Variants in DAB1 observed in about 807,000 individuals in gnomAD.
DAB1 encodes the protein disabled homolog 1.
DAB1 carries 15 observed loss-of-function variants against 64.6 expected under a neutral mutation model. The observed-to-expected ratio is 0.23, with a 90% CI of 0.16 to 0.36. The LOEUF (loss-of-function observed/expected upper bound fraction) is 0.36. Among genes scored for constraint, DAB1 ranks in the 10% least tolerant of loss-of-function variants. The pLI is 1.00. For synonymous variants in DAB1, 235 were observed against 251.9 expected, an observed-to-expected ratio of 0.93 and a Z score of 0.64; for missense variants, 596 against 706.7, an observed-to-expected ratio of 0.84 and a Z score of 1.78.
intron 7 of DAB1, among the ~76,000 whole-genome samples, chr1:57,515,433 C>T (rs77782502): frequency 3.7e-4 from 57 of 152,342 alleles, no homozygotes; most frequent in African/African-American, 1.3e-3. Context: ...CTCAGAGCAA[C>T]ACATAATATT....
At chr1:57,738,666 T>C (rs1017916686) in intron 6 of DAB1, among the ~76,000 whole-genome samples, 1 of 152,256 alleles carries the variant, frequency 6.6e-6, no homozygotes, top group African/African-American at 2.4e-5. Context: ...TCTTTGATTA[T>C]TTATACTTAA....
At chr1:58,437,856 C>A (rs752895697) in intron 3 of DAB1, among the ~76,000 whole-genome samples, 1 of 152,132 alleles carries the variant, frequency 6.6e-6, no homozygotes, top group Admixed American at 6.5e-5. Context: ...CACATGACCA[C>A]GGCCCAGCCA....
At chr1:58,363,784 G>A (rs1644189728) in intron 3 of DAB1, among the ~76,000 whole-genome samples, 1 of 152,238 alleles carries the variant, frequency 6.6e-6, no homozygotes, top group African/African-American at 2.4e-5. Context: ...CAGACTGTAA[G>A]TTGAGTCTAA....
chr1:58,342,764 C>T (rs951787461), intron 4 of DAB1, among the ~76,000 whole-genome samples: 1 of 152,126 alleles, frequency 6.6e-6, no homozygotes, highest in Non-Finnish European at 1.5e-5. Context: ...ATTGATTTCA[C>T]CTCCTTTTTA....
intron 5 of DAB1, chr1:58,048,794 AT>A: frequency 6.2e-6 from 7 of 1,136,550 alleles, no homozygotes; most frequent in Non-Finnish European, 9.2e-6. Flanking sequence ...ACAGTATAGT[AT>A]TTCTGAATGA....
chr1:58,166,072 T>C (rs1198175615), intron 4 of DAB1, among the ~76,000 whole-genome samples: 3 of 152,190 alleles, frequency 2.0e-5, no homozygotes, highest in Non-Finnish European at 4.4e-5. Flanking sequence ...ATTTTGCCTC[T>C]CTGTACTTAA....
At chr1:57,691,500 T>A (rs1202499242) in intron 6 of DAB1, among the ~76,000 whole-genome samples, 1 of 152,074 alleles carries the variant, frequency 6.6e-6, no homozygotes, top group Non-Finnish European at 1.5e-5. Flanking sequence ...GAAGCTTTAT[T>A]CTTTCGCTCT....
At chr1:58,215,537 T>C (rs925692928) in intron 4 of DAB1, among the ~76,000 whole-genome samples, 1 of 152,196 alleles carries the variant, frequency 6.6e-6, no homozygotes, top group South Asian at 2.1e-4. Context: ...CTTGTACTGA[T>C]ATATTTTCAG....
At chr1:58,286,536 C>T (rs1052594200) in intron 4 of DAB1, among the ~76,000 whole-genome samples, 1 of 152,180 alleles carries the variant, frequency 6.6e-6, no homozygotes, top group African/African-American at 2.4e-5. Flanking sequence ...CAAAAGAAGA[C>T]ATTTATGCAG....
intron 2 of DAB1, among the ~76,000 whole-genome samples, chr1:57,253,313 G>C (rs1247599842): frequency 6.6e-6 from 1 of 152,170 alleles, no homozygotes; most frequent in African/African-American, 2.4e-5. Flanking sequence ...AGGACTCCAG[G>C]TATAGACCTG....
intron 6 of DAB1, among the ~76,000 whole-genome samples, chr1:57,666,640 TC>T (rs1220062514): frequency 1.9e-4 from 29 of 152,162 alleles, no homozygotes; most frequent in African/African-American, 7.0e-4. Flanking sequence ...GATTTAAATC[TC>T]ACTTCTAATC....
chr1:58,077,229 C>T (rs767492194), intron 5 of DAB1, among the ~76,000 whole-genome samples: 3 of 152,200 alleles, frequency 2.0e-5, no homozygotes, highest in Non-Finnish European at 4.4e-5. Context: ...CCAATCCTTA[C>T]TTAAAGAGGA....
intron 7 of DAB1, among the ~76,000 whole-genome samples, chr1:57,473,912 G>A (rs1395027549): frequency 1.3e-5 from 2 of 152,076 alleles, no homozygotes; most frequent in African/African-American, 4.8e-5. Context: ...TGCCCATAGC[G>A]GAGACACAAA....
At chr1:58,388,393 T>C (rs1644450724) in intron 3 of DAB1, among the ~76,000 whole-genome samples, 1 of 152,226 alleles carries the variant, frequency 6.6e-6, no homozygotes, top group Non-Finnish European at 1.5e-5. Flanking sequence ...AAAGCTACTG[T>C]TTCTCTGATA....
chr1:58,083,990 A>G (rs1026713113), intron 5 of DAB1, among the ~76,000 whole-genome samples: 19 of 152,182 alleles, frequency 1.2e-4, no homozygotes, highest in African/African-American at 4.1e-4. Flanking sequence ...CTGTGTTGTT[A>G]TAACAGCAAA....
chr1:57,245,324 C>A (rs1228958468), intron 2 of DAB1, among the ~76,000 whole-genome samples: 1 of 152,070 alleles, frequency 6.6e-6, no homozygotes, highest in Non-Finnish European at 1.5e-5. Context: ...GGTACATGTG[C>A]ACATTGTGCA....
chr1:57,456,320 T>C lies in DAB1; in HGVS notation n.626-165154A>G, dbSNP rs1167199909. ...TCAATGAAGAAATTGCTGAAAATTA[T>C]TCAAAAGCACAGCATCTCTCACCAT... On this transcript the variant is annotated intron_variant and non_coding_transcript_variant, in intron 7 of 20. Coordinates refer to the DAB1 transcript ENST00000485760. Among the ~76,000 whole-genome samples, 3 of 152,158 alleles carry C rather than the reference T, an allele frequency of 2.0e-5. No homozygotes were observed. In the East Asian group the frequency reaches 5.8e-4, roughly 29 times the overall value.
intron 4 of DAB1, among the ~76,000 whole-genome samples, chr1:58,168,616 A>C (rs1204930534): frequency 6.6e-6 from 1 of 152,132 alleles, no homozygotes; most frequent in Non-Finnish European, 1.5e-5. Flanking sequence ...CCAAAGCCCC[A>C]TCATAGGGGA....
At chr1:57,173,389 G>T (rs1173188666) in intron 2 of DAB1, among the ~76,000 whole-genome samples, 1 of 152,084 alleles carries the variant, frequency 6.6e-6, no homozygotes, top group Non-Finnish European at 1.5e-5. Context: ...TCAAAACTTG[G>T]TTTCATGCAC....
Sources: gnomAD v4.1 joint callset for allele counts (sites outside exome capture counted in the v4.1 genomes callset) on GRCh38, gnomAD v4.1.1 for gene constraint, MANE v1.5 for transcripts, NCBI Gene and HGNC (gene_info 2026-07-23, HGNC 2026-07-21) for gene names.